The following ZNF423 variants were observed in gnomAD, a reference collection of about 807,000 sequenced individuals.
ZNF423 encodes Ebf-associated zinc finger protein.
ZNF423 carries 12 observed loss-of-function variants against 95.8 expected under a neutral mutation model. That is an observed-to-expected ratio of 0.13 (90% CI 0.08 to 0.20). The LOEUF (loss-of-function observed/expected upper bound fraction) is 0.20. Ranked by LOEUF, ZNF423 falls within the 10% of genes least tolerant of loss-of-function variation. The pLI is 1.00. For synonymous variants in ZNF423, 749 were observed against 711.9 expected (o/e 1.05, Z -0.83); for missense variants, 1,316 against 1,737.1 (o/e 0.76, Z 4.31).
intron 5 of ZNF423, among the ~76,000 whole-genome samples, chr16:49,540,495 G>A (rs572985713): frequency 6.6e-6 from 1 of 151,694 alleles, no homozygotes; most frequent in East Asian, 1.9e-4. Flanking sequence ...TACCCAGGCT[G>A]GCCTCAAACT....
intron 3 of ZNF423, among the ~76,000 whole-genome samples, chr16:49,642,588 T>G (rs1457800034): frequency 6.6e-6 from 1 of 152,226 alleles, no homozygotes; most frequent in East Asian, 1.9e-4. Flanking sequence ...AATGGGCATG[T>G]TGACATATAA....
intron 3 of ZNF423, among the ~76,000 whole-genome samples, chr16:49,660,740 G>A (rs747907210): frequency 2.0e-5 from 3 of 152,040 alleles, no homozygotes; most frequent in African/African-American, 4.8e-5. Context: ...AAGCACGGAC[G>A]GAGGCAGAAG....
intron 5 of ZNF423, among the ~76,000 whole-genome samples, chr16:49,556,820 C>A (rs1211722185): frequency 2.0e-5 from 3 of 152,216 alleles, no homozygotes; most frequent in Admixed American, 2.0e-4. Context: ...AACTACTGTG[C>A]TTTCTTGAAG....
At chr16:49,674,705 C>T (rs1201234926) in intron 3 of ZNF423, among the ~76,000 whole-genome samples, 4 of 152,154 alleles carry the variant, frequency 2.6e-5, no homozygotes, top group South Asian at 4.1e-4. Context: ...TGCAGAGGGG[C>T]GGAACGGGGC....
At chr16:49,854,048 C>G in intron 1 of ZNF423, 1 of 985,350 alleles carries the variant, frequency 1.0e-6, no homozygotes, top group Non-Finnish European at 1.2e-6. Flanking sequence ...TTATTTCAAG[C>G]CGTACAGCCC....
intron 2 of ZNF423, among the ~76,000 whole-genome samples, chr16:49,770,718 C>T (rs921550102): frequency 1.1e-4 from 17 of 152,112 alleles, no homozygotes; most frequent in African/African-American, 3.1e-4. Context: ...AAGATGCAGA[C>T]GAAGGACAAA....
chr16:49,707,796 T>C (rs1207986568), intron 3 of ZNF423, among the ~76,000 whole-genome samples: 2 of 152,186 alleles, frequency 1.3e-5, no homozygotes, highest in Admixed American at 6.5e-5. Context: ...TTTGCAGATC[T>C]TATTTTACTT....
chr16:49,804,729 C>A (rs2034634775), intron 1 of ZNF423, among the ~76,000 whole-genome samples: 1 of 152,262 alleles, frequency 6.6e-6, no homozygotes, highest in Admixed American at 6.5e-5. Context: ...TCCCAATCCA[C>A]CATATTTTGC....
At chr16:49,835,553 T>G (rs747837934) in intron 1 of ZNF423, among the ~76,000 whole-genome samples, 1 of 152,122 alleles carries the variant, frequency 6.6e-6, no homozygotes, top group Non-Finnish European at 1.5e-5. Flanking sequence ...CACAGTCTGC[T>G]CCGGGGAGAT....
At chr16:49,725,443 T>C (rs187596103) in intron 3 of ZNF423, among the ~76,000 whole-genome samples, 4 of 152,238 alleles carry the variant, frequency 2.6e-5, no homozygotes, top group African/African-American at 9.6e-5. Context: ...CAAAGGTGAT[T>C]GTTATAAAGA....
intron 3 of ZNF423, among the ~76,000 whole-genome samples, chr16:49,724,897 A>G (rs1567312724): frequency 6.6e-6 from 1 of 152,184 alleles, no homozygotes; most frequent in Non-Finnish European, 1.5e-5. Flanking sequence ...TGCTGTTGCT[A>G]TTTCAACAAA....
chr16:49,649,899 G>T (rs1327275120), intron 3 of ZNF423, among the ~76,000 whole-genome samples: 2 of 152,248 alleles, frequency 1.3e-5, no homozygotes, highest in African/African-American at 2.4e-5. Flanking sequence ...TCTCGAGTTA[G>T]AATTATGCTA....
At chr16:49,647,501 GATTATCC>G (rs1291770462) in intron 3 of ZNF423, among the ~76,000 whole-genome samples, 3 of 152,170 alleles carry the variant, frequency 2.0e-5, no homozygotes, top group Admixed American at 2.0e-4. Flanking sequence ...GATTATCCTG[GATTATCC>G]ACATGGGTCT....
intron 2 of ZNF423, among the ~76,000 whole-genome samples, chr16:49,761,369 C>T (rs1368063813): frequency 3.9e-5 from 6 of 152,220 alleles, no homozygotes; most frequent in Non-Finnish European, 8.8e-5. Flanking sequence ...TCCCATGCCA[C>T]GGCAGGGCCT....
At chr16:49,832,112 G>A (rs2035067066) in intron 1 of ZNF423, among the ~76,000 whole-genome samples, 1 of 152,210 alleles carries the variant, frequency 6.6e-6, no homozygotes, top group African/African-American at 2.4e-5. Flanking sequence ...TGGCCACCAA[G>A]GCTGGGTCAT....
intron 3 of ZNF423, among the ~76,000 whole-genome samples, chr16:49,693,642 T>C (rs927424626): frequency 6.6e-6 from 1 of 152,160 alleles, no homozygotes; most frequent in Non-Finnish European, 1.5e-5. Context: ...GATGAATACA[T>C]GACCAATCCA....
intron 5 of ZNF423, among the ~76,000 whole-genome samples, chr16:49,570,530 G>A (rs191265332): frequency 2.6e-5 from 4 of 152,042 alleles, no homozygotes; most frequent in Admixed American, 2.6e-4. Flanking sequence ...AGGGAGTCAA[G>A]AGAGGTGCCT....
At chr16:49,503,418 G>T (rs895492597) in intron 7 of ZNF423, among the ~76,000 whole-genome samples, 3 of 152,112 alleles carry the variant, frequency 2.0e-5, no homozygotes, top group African/African-American at 7.2e-5. Context: ...GCCCTCCATG[G>T]TCTGGTTCTT....
intron 2 of ZNF423, among the ~76,000 whole-genome samples, chr16:49,766,539 G>T (rs893982493): frequency 1.3e-5 from 2 of 152,338 alleles, no homozygotes; most frequent in East Asian, 3.9e-4. Flanking sequence ...GCAAGTCCCA[G>T]GCTCTGGGGG....
Sources: gnomAD v4.1 joint callset for allele counts (sites outside exome capture counted in the v4.1 genomes callset) on GRCh38, gnomAD v4.1.1 for gene constraint, MANE v1.5 for transcripts, NCBI Gene and HGNC (gene_info 2026-07-23, HGNC 2026-07-21) for gene names.